GNAO1: variants seen among roughly 807,000 people sequenced by gnomAD.
GNAO1 encodes the protein G protein subunit alpha o1, also known as guanine nucleotide-binding protein G(o) subunit alpha.
For missense variants in GNAO1, 166 were observed against 478.7 expected (o/e 0.35, Z 6.10); for synonymous variants, 164 against 180.7 (o/e 0.91, Z 0.74).
intron 2 of GNAO1, among the ~76,000 whole-genome samples, chr16:56,261,007 C>T (rs1456553285): frequency 5.3e-5 from 8 of 152,304 alleles, no homozygotes; most frequent in East Asian, 1.9e-4. Flanking sequence ...ATGTGGCTCA[C>T]GTCCATGTAG....
intron 6 of GNAO1, chr16:56,343,972 C>T (rs2143684335): frequency 6.2e-7 from 1 of 1,609,448 alleles, no homozygotes; most frequent in Non-Finnish European, 8.5e-7. Context: ...CTGCCCGGCA[C>T]CCTTGCCCTG....
chr16:56,191,846 C>T lies in GNAO1; in HGVS notation c.-390C>T. 1 of 226,684 alleles carries T rather than the reference C, an allele frequency of 4.4e-6. No individual in the cohort carries two copies. Among genetic ancestry groups the T allele is most frequent in the Non-Finnish European group, 8.7e-6 (1 of 114,926 alleles). 14.0% of individuals were successfully genotyped at this position (226,684 alleles called of 1,614,324 possible). ...AGCAGGACCCACCCTGCCCCCCACC[C>T]CACCCTCTGTCGGCTCCGGCTGCGG... On this transcript the variant is annotated 5_prime_UTR_variant, in exon 1 of 9. Transcript: ENST00000262493. This position sits in a 1 kb window ranked among gnomAD's most constrained non-coding sequence, Gnocchi z 4.7.
Position 56,192,109 on chromosome 16 carries a change from C to G in GNAO1, c.-127C>G, listed in dbSNP as rs2036180446. On this transcript the variant is annotated 5_prime_UTR_variant, in exon 1 of 9. Coordinates refer to ENST00000262493, the MANE Select transcript of GNAO1 (RefSeq NM_020988.3). Reference sequence around the variant, plus strand: ...GTTTCCCGACATTTTTGTTTCCAGCCCAGGAGAGGATATCGTGATTTTCCC... The same window carrying G: ...GTTTCCCGACATTTTTGTTTCCAGCGCAGGAGAGGATATCGTGATTTTCCC... The G allele has an allele frequency of 9.6e-6, 6 of 622,050 alleles. No individual in the cohort carries two copies. The East Asian group carries it at 1.6e-4, about 17-fold the overall frequency. The allele number at this position is 622,050 out of a possible 1,614,324, so 38.5% of individuals were successfully genotyped here. A position where few individuals can be genotyped will look rare whatever the true frequency, so the allele number is the denominator to read the frequency against.
chr16:56,207,215 T>C (rs1190554364), intron 2 of GNAO1, among the ~76,000 whole-genome samples: 2 of 152,250 alleles, frequency 1.3e-5, no homozygotes, highest in Non-Finnish European at 2.9e-5. Flanking sequence ...AGATTTTGGC[T>C]TTGCCATTTG....
At chr16:56,199,513 G>C (rs1207429423) in intron 2 of GNAO1, among the ~76,000 whole-genome samples, 1 of 152,202 alleles carries the variant, frequency 6.6e-6, no homozygotes, top group Non-Finnish European at 1.5e-5. Flanking sequence ...GGGTTAAGGT[G>C]CCTAAAACCC....
At chr16:56,249,683 TG>T (rs1473985836) in intron 2 of GNAO1, among the ~76,000 whole-genome samples, 1 of 152,212 alleles carries the variant, frequency 6.6e-6, no homozygotes, top group Non-Finnish European at 1.5e-5. Context: ...GGTTGCCCAA[TG>T]AAGCTATCAG....
intron 2 of GNAO1, among the ~76,000 whole-genome samples, chr16:56,260,145 A>G (rs2036889696): frequency 6.6e-6 from 1 of 152,224 alleles, no homozygotes; most frequent in Non-Finnish European, 1.5e-5. Flanking sequence ...GGCAGTGTCC[A>G]TGAAGCCCTT....
chr16:56,342,403 C>T (rs1018099631), intron 6 of GNAO1, among the ~76,000 whole-genome samples: 1 of 152,206 alleles, frequency 6.6e-6, no homozygotes, highest in African/African-American at 2.4e-5. Flanking sequence ...CCCTGCTGCC[C>T]CCTCCACAGC....
intron 2 of GNAO1, chr16:56,194,059 A>G (rs2036207308): frequency 2.2e-6 from 1 of 453,002 alleles, no homozygotes; most frequent in Non-Finnish European, 4.5e-6. Flanking sequence ...TGGATGTGTA[A>G]CAGGCATGAC....
intron 2 of GNAO1, among the ~76,000 whole-genome samples, chr16:56,273,811 C>T (rs1262295063): frequency 1.3e-5 from 2 of 152,198 alleles, no homozygotes; most frequent in Admixed American, 6.5e-5. Context: ...GTGCCCCAGG[C>T]GTTCAACAAG....
At chr16:56,281,630 A>C (rs1596840058) in intron 3 of GNAO1, among the ~76,000 whole-genome samples, 13 of 130,504 alleles carry the variant, frequency 1.0e-4, no homozygotes, top group African/African-American at 1.5e-4. Flanking sequence ...CTTCCTCCTC[A>C]CTCCAGCTCA....
intron 2 of GNAO1, among the ~76,000 whole-genome samples, chr16:56,260,599 C>T (rs1170856386): frequency 6.6e-6 from 1 of 152,188 alleles, no homozygotes; most frequent in Non-Finnish European, 1.5e-5. Context: ...ACCCCTACAG[C>T]CAAGTATGTG....
intron 3 of GNAO1, among the ~76,000 whole-genome samples, chr16:56,283,807 A>G (rs1442354837): frequency 1.3e-5 from 2 of 152,292 alleles, no homozygotes; most frequent in East Asian, 3.9e-4. Flanking sequence ...CTCTCCACCT[A>G]CAACAGCCCC....
chr16:56,320,944 TGCAGCATGTA>T (rs1303775845), intron 3 of GNAO1, among the ~76,000 whole-genome samples: 1 of 152,222 alleles, frequency 6.6e-6, no homozygotes, highest in African/African-American at 2.4e-5. Context: ...GCCTTTAGTG[TGCAGCATGTA>T]TGTGGCCAGT....
At chr16:56,194,781 G>C (rs1170210321) in intron 2 of GNAO1, among the ~76,000 whole-genome samples, 1 of 152,214 alleles carries the variant, frequency 6.6e-6, no homozygotes, top group African/African-American at 2.4e-5. Flanking sequence ...AAATTAGGTT[G>C]ATTTAATGAG....
chr16:56,322,542 G>A lies in GNAO1; in HGVS notation c.304-6089G>A, dbSNP rs899233. Reference sequence around the variant, plus strand: ...GCCCACCATCCTTTTTTTTGTGCTGGCAAAGCCCTTCCTTCCCCTCAGGCC... The same window carrying A: ...GCCCACCATCCTTTTTTTTGTGCTGACAAAGCCCTTCCTTCCCCTCAGGCC... On this transcript the variant is annotated intron_variant, in intron 3 of 8. Transcript: ENST00000262493. Among the ~76,000 whole-genome samples, 2,125 of 152,028 alleles carry A rather than the reference G, an allele frequency of 0.014. 89 individuals are homozygous for A. The East Asian group carries it at 0.15, about 11-fold the overall frequency.
intron 2 of GNAO1, among the ~76,000 whole-genome samples, chr16:56,223,169 C>T (rs1442450376): frequency 1.3e-5 from 2 of 152,144 alleles, no homozygotes; most frequent in African/African-American, 2.4e-5. Context: ...TCTGGGGCTT[C>T]TAGGGGGGAG....
intron 2 of GNAO1, chr16:56,226,268 G>C (rs2036532179): frequency 6.6e-6 from 1 of 152,258 alleles, no homozygotes; most frequent in Admixed American, 6.5e-5. Flanking sequence ...CAGTATTTTA[G>C]AGTTAGAGTC....
intron 2 of GNAO1, among the ~76,000 whole-genome samples, chr16:56,205,702 G>C (rs2143314249): frequency 6.6e-6 from 1 of 152,206 alleles, no homozygotes; most frequent in African/African-American, 2.4e-5. Context: ...GCCATAGTTT[G>C]GCACTTTCTC....
Sources: allele counts gnomAD v4.1 joint callset (sites outside exome capture counted in the v4.1 genomes callset), GRCh38; gene constraint gnomAD v4.1.1; non-coding constraint Gnocchi (gnomAD v3.1); transcripts MANE v1.5; gene names NCBI Gene and HGNC (gene_info 2026-07-23, HGNC 2026-07-21).